The following BZW2 variants were observed in gnomAD, a reference collection of about 807,000 sequenced individuals.
BZW2 encodes the protein eIF5-mimic protein 1.
Under a neutral mutation model 53.2 loss-of-function variants are expected in BZW2, and 23 were observed. The ratio of observed to expected loss-of-function variants is 0.43; its 90% confidence interval spans 0.31 to 0.61. BZW2 has a LOEUF of 0.61. Among genes scored for constraint, BZW2 ranks in the 20% least tolerant of loss-of-function variants. BZW2 has a pLI of 0.09. For synonymous variants in BZW2, 227 were observed against 186.4 expected (o/e 1.22, Z -1.77); for missense variants, 409 against 503.1 (o/e 0.81, Z 1.79).
At chr7:16,699,384 A>C (rs1258655214) in intron 10 of BZW2, among the ~76,000 whole-genome samples, 5 of 152,178 alleles carry the variant, frequency 3.3e-5, no homozygotes, top group Non-Finnish European at 7.4e-5. Flanking sequence ...CAATTCATAG[A>C]TGGTACCCAG....
intron 7 of BZW2, 134 bp downstream of exon 7, chr7:16,690,040 A>G: frequency 2.0e-6 from 1 of 492,710 alleles, no homozygotes; most frequent in Non-Finnish European, 3.4e-6. Context: ...ATTTCTGTGT[A>G]ATTGGTAGTA....
intron 1 of BZW2, among the ~76,000 whole-genome samples, chr7:16,663,521 A>T (rs1438631535): frequency 1.3e-5 from 2 of 152,106 alleles, no homozygotes; most frequent in Non-Finnish European, 1.5e-5. Context: ...ATTTTTTATT[A>T]TGTGAAGCTA....
At chr7:16,701,226 A>G (rs2128370860) in intron 10 of BZW2, among the ~76,000 whole-genome samples, 1 of 152,284 alleles carries the variant, frequency 6.6e-6, no homozygotes, top group South Asian at 2.1e-4. Context: ...TCCATTGCTA[A>G]CTTTCAAGCA....
At chr7:16,668,109 G>A (rs1286536700) in intron 2 of BZW2, among the ~76,000 whole-genome samples, 2 of 152,194 alleles carry the variant, frequency 1.3e-5, no homozygotes, top group Non-Finnish European at 2.9e-5. Context: ...GCACAGAAAC[G>A]TTGGCTATTG....
chr7:16,703,598 A>G (rs1783741775), intron 10 of BZW2, among the ~76,000 whole-genome samples: 1 of 152,220 alleles, frequency 6.6e-6, no homozygotes, highest in Admixed American at 6.5e-5. Flanking sequence ...CTCGGGGACA[A>G]TAATAAATGC....
chr7:16,665,337 G>T, intron 1 of BZW2, 100 bp from the exon 2 acceptor site: 1 of 1,344,194 alleles, frequency 7.4e-7, no homozygotes, highest in South Asian at 1.2e-5. Flanking sequence ...ATTCAGTAAT[G>T]AGTGAGGTTG....
rs1782328750 is a variant in BZW2 at position 16,663,497 on chromosome 7, T to A, written c.-7-1940T>A. Among the ~76,000 whole-genome samples the A allele has an allele frequency of 2.0e-5, 3 of 152,282 alleles. No homozygotes were observed. In the South Asian group the frequency reaches 6.2e-4, roughly 32 times the overall value. On this transcript the variant is annotated intron_variant, in intron 1 of 11. Coordinates refer to ENST00000258761, the MANE Select transcript of BZW2 (RefSeq NM_014038.3). ...TAAAATAATGATTAACTTGACGTTT[T>A]CAATAATAAACAGATTTTTTATTAT...
intron 1 of BZW2, among the ~76,000 whole-genome samples, chr7:16,656,555 G>GCACACACACACACACACA (rs376412401): frequency 2.1e-5 from 3 of 141,204 alleles, no homozygotes; most frequent in African/African-American, 7.9e-5. Context: ...GCGCGCGCGC[G>GCACACACACACACACACA]CACACACACA....
At chr7:16,672,636 G>A (rs996151253) in intron 2 of BZW2, among the ~76,000 whole-genome samples, 1 of 152,134 alleles carries the variant, frequency 6.6e-6, no homozygotes, top group Non-Finnish European at 1.5e-5. Flanking sequence ...TGGAAAAAAA[G>A]GGTGATGTCC....
Position 16,694,891 on chromosome 7 carries a change from G to A in BZW2, c.709G>A (p.Ala237Thr), listed in dbSNP as rs746394268. 3.2e-6 allele frequency: 5 copies of A among 1,585,592 alleles called. No homozygotes were observed. The highest frequency in any genetic ancestry group is 3.3e-5 in the Admixed American group (2 of 59,752). The change falls in exon 8 of 12, where the codon GCA (alanine) becomes ACA (threonine). Residue 237 changes from alanine (A) to threonine (T), a missense_variant. Physicochemically the swap from Ala to Thr is moderately conservative, Grantham distance 58. Transcript: ENST00000258761. ...VDHFAKYFTDAGLKELSDFLR... is the reference protein window; with the variant it reads ...VDHFAKYFTDTGLKELSDFLR... ...TCATTTTGCTAAATACTTCACTGAC[G>A]CAGGTCTTAAGGAGCTTTCCGACTT...
intron 2 of BZW2, among the ~76,000 whole-genome samples, chr7:16,666,471 C>T (rs1275208608): frequency 2.6e-5 from 4 of 151,270 alleles, no homozygotes; most frequent in African/African-American, 4.9e-5. Context: ...GGCGCCATCT[C>T]GGCTCACTGC....
At chr7:16,665,637 T>TG in intron 2 of BZW2, 136 bp downstream of exon 2, 3 of 1,410,988 alleles carry the variant, frequency 2.1e-6, no homozygotes, top group Non-Finnish European at 2.9e-6. Context: ...GAATCTGAAG[T>TG]GCTTTAGTGA....
intron 6 of BZW2, chr7:16,686,431 A>T (rs1023408585): frequency 1.1e-5 from 2 of 178,290 alleles, no homozygotes; most frequent in African/African-American, 4.8e-5. Flanking sequence ...CAAGGTCTAG[A>T]GAAACTGATG....
At chr7:16,652,547 G>A (rs976132923) in intron 1 of BZW2, among the ~76,000 whole-genome samples, 2 of 152,088 alleles carry the variant, frequency 1.3e-5, no homozygotes, top group African/African-American at 2.4e-5. Flanking sequence ...ACGGAGTTTC[G>A]CTGTTGTTGC....
chr7:16,700,415 T>A (rs1783630758), intron 10 of BZW2, among the ~76,000 whole-genome samples: 1 of 152,164 alleles, frequency 6.6e-6, no homozygotes, highest in African/African-American at 2.4e-5. Context: ...TGTATTTGAT[T>A]TGTTTCTGTA....
intron 1 of BZW2, among the ~76,000 whole-genome samples, chr7:16,656,524 T>C (rs1782125651): frequency 6.6e-6 from 1 of 151,104 alleles, no homozygotes; most frequent in African/African-American, 2.4e-5. Flanking sequence ...AAGTATCCTG[T>C]TGATCATCAA....
At chr7:16,691,340 A>G (rs990098070) in intron 7 of BZW2, among the ~76,000 whole-genome samples, 2 of 152,240 alleles carry the variant, frequency 1.3e-5, no homozygotes. Context: ...CAAAAGTCAC[A>G]GAAGATAAGT....
chr7:16,681,949 A>G (rs940010096), intron 4 of BZW2, among the ~76,000 whole-genome samples: 2 of 152,206 alleles, frequency 1.3e-5, no homozygotes, highest in East Asian at 1.9e-4. Context: ...GTTAAGGAAT[A>G]TGTAAGTATT....
chr7:16,698,292 G>C, intron 10 of BZW2, 106 bp downstream of exon 10: 11 of 1,420,884 alleles, frequency 7.7e-6, no homozygotes, highest in Non-Finnish European at 1.1e-5. Context: ...GTTTAGAGAG[G>C]GACAGCAAGA....
Sources: gnomAD v4.1 joint callset for allele counts (sites outside exome capture counted in the v4.1 genomes callset) on GRCh38, gnomAD v4.1.1 for gene constraint, MANE v1.5 for transcripts, NCBI Gene and HGNC (gene_info 2026-07-23, HGNC 2026-07-21) for gene names.